MYO5B: variants seen among roughly 807,000 people sequenced by gnomAD.
The protein encoded by MYO5B is myosin VB.
A neutral mutation model predicts 229.3 loss-of-function variants in MYO5B; 143 were observed. That is an observed-to-expected ratio of 0.62 (90% CI 0.54 to 0.72). The LOEUF is 0.72. MYO5B is among the 30% of genes least tolerant of loss of function. The probability of loss-of-function intolerance (pLI) is 0.00; values close to 1 mark genes in which losing one functional copy is unlikely to be tolerated. For missense variants in MYO5B, 2,321 were observed against 2,331.0 expected, an observed-to-expected ratio of 1.00 and a Z score of 0.09; for synonymous variants, 918 against 885.2, an observed-to-expected ratio of 1.04 and a Z score of -0.66.
chr18:50,116,425 G>C (rs993377403), intron 1 of MYO5B, among the ~76,000 whole-genome samples: 1 of 152,184 alleles, frequency 6.6e-6, no homozygotes, highest in African/African-American at 2.4e-5. Context: ...TCAGGCATGA[G>C]CTGAGAAGCA....
intron 1 of MYO5B, among the ~76,000 whole-genome samples, chr18:50,177,602 G>A (rs988418013): frequency 2.6e-5 from 4 of 152,190 alleles, no homozygotes; most frequent in African/African-American, 7.2e-5. Flanking sequence ...GTTGGTGGGA[G>A]GGAGCAGTTT....
intron 1 of MYO5B, among the ~76,000 whole-genome samples, chr18:50,175,282 C>T (rs2032979932): frequency 1.3e-5 from 2 of 152,236 alleles, no homozygotes. Flanking sequence ...TTTCTAATCT[C>T]CTTCATTTGT....
chr18:50,091,135 T>C (rs1381766858), intron 1 of MYO5B, among the ~76,000 whole-genome samples: 2 of 152,156 alleles, frequency 1.3e-5, no homozygotes, highest in Non-Finnish European at 2.9e-5. Context: ...CCTGTGCATA[T>C]AGATGCATTG....
At chr18:49,958,127 C>G (rs1271378101) in intron 12 of MYO5B, among the ~76,000 whole-genome samples, 1 of 152,200 alleles carries the variant, frequency 6.6e-6, no homozygotes, top group East Asian at 1.9e-4. Flanking sequence ...ACCTGGGTGG[C>G]TGGATGAGAC....
intron 2 of MYO5B, among the ~76,000 whole-genome samples, chr18:50,040,689 A>G (rs2029986882): frequency 6.6e-6 from 1 of 152,126 alleles, no homozygotes; most frequent in South Asian, 2.1e-4. Context: ...ACTCTCCCCC[A>G]TTAACCAACA....
At chr18:49,857,544 T>C (rs2024277197) in intron 29 of MYO5B, among the ~76,000 whole-genome samples, 1 of 152,230 alleles carries the variant, frequency 6.6e-6, no homozygotes, top group South Asian at 2.1e-4. Context: ...CAGCTCTCCT[T>C]GCAGGGTCTT....
At chr18:50,022,981 C>T (rs1015547981) in intron 4 of MYO5B, among the ~76,000 whole-genome samples, 1 of 152,092 alleles carries the variant, frequency 6.6e-6, no homozygotes, top group Non-Finnish European at 1.5e-5. Flanking sequence ...TTGGAGGAGG[C>T]AACTGACAAA....
intron 1 of MYO5B, among the ~76,000 whole-genome samples, chr18:50,056,596 A>C (rs2030556220): frequency 6.6e-6 from 1 of 152,208 alleles, no homozygotes; most frequent in Non-Finnish European, 1.5e-5. Flanking sequence ...GCTCAACCAG[A>C]ACATGTGCTT....
chr18:50,042,244 T>A (rs995644590), intron 2 of MYO5B, among the ~76,000 whole-genome samples: 1 of 151,930 alleles, frequency 6.6e-6, no homozygotes, highest in Non-Finnish European at 1.5e-5. Flanking sequence ...AAGCTATAGA[T>A]AGTGAAAGAA....
chr18:50,017,064 G>T (rs2026223581), intron 4 of MYO5B, among the ~76,000 whole-genome samples: 1 of 151,814 alleles, frequency 6.6e-6, no homozygotes, highest in East Asian at 1.9e-4. Flanking sequence ...TCACATAAAT[G>T]GAATGAATAG....
At chr18:50,070,116 G>A (rs1017543402) in intron 1 of MYO5B, among the ~76,000 whole-genome samples, 1 of 149,442 alleles carries the variant, frequency 6.7e-6, no homozygotes, top group Non-Finnish European at 1.5e-5. Flanking sequence ...CTGCCTCCCA[G>A]GTTCAAGCAA....
chr18:50,164,942 A>G (rs572972519), intron 1 of MYO5B, among the ~76,000 whole-genome samples: 172 of 152,232 alleles, frequency 1.1e-3, no homozygotes, highest in African/African-American at 3.8e-3. Context: ...ATCACCCTCA[A>G]CAGATCACTT....
chr18:50,165,839 AAAGAT>A (rs1326447568), intron 1 of MYO5B, among the ~76,000 whole-genome samples: 4 of 152,170 alleles, frequency 2.6e-5, no homozygotes, highest in African/African-American at 4.8e-5. Context: ...AGAGAGAAAG[AAAGAT>A]AAGATAACCT....
chr18:49,839,934 T>TGC (rs1418663191), intron 35 of MYO5B: 1 of 156,362 alleles, frequency 6.4e-6, no homozygotes, highest in Non-Finnish European at 1.4e-5. Flanking sequence ...AAAAGATTAG[T>TGC]GCTCCCAAAA....
intron 4 of MYO5B, among the ~76,000 whole-genome samples, chr18:50,003,899 T>C (rs1258305013): frequency 6.6e-6 from 1 of 152,124 alleles, no homozygotes; most frequent in African/African-American, 2.4e-5. Flanking sequence ...AGGAAATGAA[T>C]CCCATCAGTG....
Position 50,037,944 on chromosome 18 carries a change from G to A in MYO5B, c.311-950C>T, listed in dbSNP as rs73444775. Among the ~76,000 whole-genome samples the A allele has an allele frequency of 9.3e-3, 1,411 of 152,204 alleles. 20 individuals carry two copies. The highest frequency in any genetic ancestry group is 0.032 in the African/African-American group (1,346 of 41,522). ...GTGCCTTGTATAGTAAGCACTGCAT[G>A]TTTGCTATTTTTTATTACACCACAT... On this transcript the variant is annotated intron_variant, in intron 3 of 39. Coordinates refer to ENST00000285039, the MANE Select transcript of MYO5B (RefSeq NM_001080467.3).
intron 10 of MYO5B, among the ~76,000 whole-genome samples, chr18:49,963,920 C>T (rs1330500046): frequency 2.0e-5 from 3 of 152,068 alleles, no homozygotes; most frequent in Non-Finnish European, 2.9e-5. Flanking sequence ...CCTCGCAAGC[C>T]CCAGAGGGGT....
Position 49,833,690 on chromosome 18 carries a change from C to T in MYO5B, c.5394+1654G>A, listed in dbSNP as rs78923237. Among the ~76,000 whole-genome samples the T allele has an allele frequency of 7.8e-3, 1,188 of 152,224 alleles. 6 individuals carry two copies. Among genetic ancestry groups the T allele is most frequent in the Non-Finnish European group, 0.01 (710 of 68,008 alleles). On this transcript the variant is annotated intron_variant, in intron 39 of 39. Transcript: ENST00000285039. ...CCCTCTAATGTGTGTCTCAGATATT[C>T]GAAACTAAACAAGACTTTCTAAACT...
intron 1 of MYO5B, among the ~76,000 whole-genome samples, chr18:50,130,062 T>C (rs2032229772): frequency 6.6e-6 from 1 of 152,170 alleles, no homozygotes; most frequent in African/African-American, 2.4e-5. Flanking sequence ...CAGCCTGCAC[T>C]GAATTAGCTC....
Sources: gnomAD v4.1 joint callset for allele counts (sites outside exome capture counted in the v4.1 genomes callset) on GRCh38, gnomAD v4.1.1 for gene constraint, MANE v1.5 for transcripts, NCBI Gene and HGNC (gene_info 2026-07-23, HGNC 2026-07-21) for gene names.